Variants in EPS8 observed in about 807,000 individuals in gnomAD.
EPS8 encodes the protein epidermal growth factor receptor kinase substrate 8.
Under a neutral mutation model 103.8 loss-of-function variants are expected in EPS8, and 42 were observed. The ratio of observed to expected loss-of-function variants is 0.40; its 90% CI spans 0.32 to 0.52. The LOEUF (loss-of-function observed/expected upper bound fraction) is 0.52, where lower values mean the gene tolerates loss of function less well. EPS8 is among the 20% of genes least tolerant of loss of function. The pLI, the probability that EPS8 is intolerant of heterozygous loss-of-function variation, is 0.40. For missense variants in EPS8, 969 were observed against 1,005.1 expected (o/e 0.96, Z 0.49); for synonymous variants, 344 against 344.6 (o/e 1.00, Z 0.02).
rs1947069933 is a variant in EPS8, at chr12:15,764,161, G to A, written c.-22+25000C>T. Among the ~76,000 whole-genome samples the A allele has an allele frequency of 6.6e-6, 1 of 152,180 alleles. No homozygotes were observed. The highest frequency in any genetic ancestry group is 1.5e-5 in the Non-Finnish European group (1 of 68,038). On this transcript the variant is annotated intron_variant, in intron 1 of 20. Transcript: ENST00000281172. The surrounding 1 kb of genome is among the most constrained non-coding windows in gnomAD (Gnocchi z 4.1). ...ATCTTACATGGTAGCAGGCAAGAGA[G>A]CATATGCAGGGGAACTCCCCTTTAT... is the stretch of plus-strand genomic sequence containing the variant.
intron 3 of EPS8, among the ~76,000 whole-genome samples, chr12:15,673,485 C>T (rs556109176): frequency 6.6e-6 from 1 of 152,162 alleles, no homozygotes; most frequent in South Asian, 2.1e-4. Context: ...TAATTAGGCT[C>T]CTAAGCTAGA....
At chr12:15,699,673 C>T (rs1368121545) in intron 1 of EPS8, among the ~76,000 whole-genome samples, 1 of 152,188 alleles carries the variant, frequency 6.6e-6, no homozygotes, top group Non-Finnish European at 1.5e-5. Flanking sequence ...TTTTGGCTTA[C>T]ATAATTTTTC....
chr12:15,720,607 T>C (rs1946584459), intron 1 of EPS8, among the ~76,000 whole-genome samples: 1 of 152,226 alleles, frequency 6.6e-6, no homozygotes, highest in South Asian at 2.1e-4. Context: ...GTTCCTTAAA[T>C]CTGGTCGTGT....
intron 1 of EPS8, among the ~76,000 whole-genome samples, chr12:15,754,698 A>G (rs1404711542): frequency 6.6e-6 from 1 of 152,208 alleles, no homozygotes; most frequent in Non-Finnish European, 1.5e-5. Context: ...AGTCCACAAG[A>G]TTTCACTAAA....
At chr12:15,770,275 C>A (rs1471438429) in intron 1 of EPS8, among the ~76,000 whole-genome samples, 1 of 92,768 alleles carries the variant, frequency 1.1e-5, no homozygotes. Flanking sequence ...CATGACAGAG[C>A]GAGACCCTGT....
intron 1 of EPS8, among the ~76,000 whole-genome samples, chr12:15,709,175 A>C (rs562481925): frequency 6.6e-6 from 1 of 152,362 alleles, no homozygotes; most frequent in African/African-American, 2.4e-5. Flanking sequence ...AAACAAGACA[A>C]AACCACCTCT....
At chr12:15,730,773 T>C (rs78261718) in intron 1 of EPS8, among the ~76,000 whole-genome samples, 1,862 of 152,290 alleles carry the variant, frequency 0.012, 30 homozygotes, top group African/African-American at 0.037. Flanking sequence ...CTATACTTCC[T>C]TTCTTGTTGG....
In EPS8 at chr12:15,760,576, T is replaced by C. The variant is rs10846237; in HGVS notation, c.-22+28585A>G. On this transcript the variant is annotated intron_variant, in intron 1 of 20. Transcript: ENST00000281172. The surrounding 1 kb of genome is among the most constrained non-coding windows in gnomAD (Gnocchi z 4.5). ...ACAAATACCAGCAAACCGAATTCAA[T>C]AATACCTTTAAAAGATCATTCATCA... Among the ~76,000 whole-genome samples, 11,345 of 151,998 alleles carry C rather than the reference T, an allele frequency of 0.075. 1,389 individuals are homozygous for C. Among genetic ancestry groups the C allele is most frequent in the African/African-American group, 0.25 (10,531 of 41,452 alleles).
At chr12:15,724,048 T>A (rs1440441513) in intron 1 of EPS8, among the ~76,000 whole-genome samples, 2 of 152,214 alleles carry the variant, frequency 1.3e-5, no homozygotes, top group Non-Finnish European at 2.9e-5. Flanking sequence ...AGAAAAATTC[T>A]ATGGCTTCTT....
At chr12:15,677,963 C>T (rs1175797607) in intron 3 of EPS8, among the ~76,000 whole-genome samples, 3 of 152,128 alleles carry the variant, frequency 2.0e-5, no homozygotes, top group East Asian at 1.9e-4. Flanking sequence ...CTGTGAAACT[C>T]GGGGGCTGCA....
Position 15,716,919 on chromosome 12 carries a change from T to A in EPS8, c.-21-33947A>T, listed in dbSNP as rs1331888038. Among the ~76,000 whole-genome samples the A allele has an allele frequency of 6.6e-6, 1 of 152,224 alleles. No homozygotes were observed. Among genetic ancestry groups the A allele is most frequent in the African/African-American group, 2.4e-5 (1 of 41,462 alleles). On this transcript the variant is annotated intron_variant, in intron 1 of 20. Transcript: ENST00000281172. The surrounding 1 kb of genome is among the most constrained non-coding windows in gnomAD (Gnocchi z 5.0). The stretch of plus-strand genomic sequence containing the variant: ...TTCCTTCTTCTTATAAGATCCACTA[T>A]CTGCTTTGTCTTCTCTAAACCAATC...
intron 12 of EPS8, among the ~76,000 whole-genome samples, chr12:15,657,608 C>T (rs1397523013): frequency 1.3e-5 from 2 of 152,070 alleles, no homozygotes; most frequent in Non-Finnish European, 2.9e-5. Context: ...TTTGTAGAAC[C>T]AGTGCATAAA....
chr12:15,641,803 G>A lies in EPS8; in HGVS notation c.1596C>T (p.Pro532=). The A allele has an allele frequency of 1.3e-6, 2 of 1,595,338 alleles. No individual in the cohort carries two copies. The highest frequency in any genetic ancestry group is 1.7e-6 in the Non-Finnish European group (2 of 1,168,096). ...DRNYEPLKTQ[P]KKYAKSKYDF... ...CATACTTGGATTTGGCATATTTCTT[G>A]GGTTGTGTTTTGAGTGGTTCATAAT... The change falls in exon 16 of 21, where the codon CCC becomes CCT. Residue 532 remains proline (P), a synonymous_variant. Transcript: ENST00000281172.
intron 12 of EPS8, among the ~76,000 whole-genome samples, chr12:15,657,199 C>T (rs779040875): frequency 1.3e-5 from 2 of 152,192 alleles, no homozygotes; most frequent in Non-Finnish European, 2.9e-5. Context: ...ACATGCTTTG[C>T]ATGTTATCAC....
Position 15,713,146 on chromosome 12 carries a change from G to A in EPS8, c.-21-30174C>T, listed in dbSNP as rs895336466. The A allele has an allele frequency of 3.2e-4, 73 of 227,406 alleles. No homozygotes were observed. The highest frequency in any genetic ancestry group is 1.6e-3 in the African/African-American group (67 of 42,744). The allele number at this position is 227,406 out of a possible 1,614,324, so 14.1% of individuals were successfully genotyped here. A position where few individuals can be genotyped will look rare whatever the true frequency, so the allele number is the denominator to read the frequency against. On this transcript the variant is annotated intron_variant, in intron 1 of 20. Transcript: ENST00000281172. This position sits in a 1 kb window ranked among gnomAD's most constrained non-coding sequence, Gnocchi z 4.8. ...AGTTTTAAATGGTGAAAATAATACTGGCTAGCATTGACTGAAAGCTTACTG... is the reference window on the plus strand; with the variant it reads ...AGTTTTAAATGGTGAAAATAATACTAGCTAGCATTGACTGAAAGCTTACTG...
At chr12:15,671,418 G>A (rs1372055876) in intron 3 of EPS8, among the ~76,000 whole-genome samples, 2 of 152,052 alleles carry the variant, frequency 1.3e-5, no homozygotes, top group African/African-American at 4.8e-5. Context: ...TAGTGTTAGA[G>A]GAGATTTAAA....
intron 1 of EPS8, among the ~76,000 whole-genome samples, chr12:15,741,849 C>T (rs1257240575): frequency 6.6e-6 from 1 of 152,142 alleles, no homozygotes; most frequent in Admixed American, 6.5e-5. Flanking sequence ...TCTCCTAATG[C>T]TATCCCTCGC....
rs1474147956 is a variant in EPS8, at chr12:15,764,140, T to A, written c.-22+25021A>T. Among the ~76,000 whole-genome samples the A allele has an allele frequency of 6.6e-6, 1 of 152,258 alleles. No homozygotes were observed. The highest frequency in any genetic ancestry group is 1.9e-4 in the East Asian group (1 of 5,184). ...GTGAAGGAGGAGCAAAGTAACATCT[T>A]ACATGGTAGCAGGCAAGAGAGCATA... is the stretch of plus-strand genomic sequence containing the variant. On this transcript the variant is annotated intron_variant, in intron 1 of 20. Transcript: ENST00000281172. This position sits in a 1 kb window ranked among gnomAD's most constrained non-coding sequence, Gnocchi z 4.1.
intron 12 of EPS8, among the ~76,000 whole-genome samples, chr12:15,656,227 C>A (rs1326201983): frequency 2.2e-5 from 1 of 44,834 alleles, no homozygotes; most frequent in African/African-American, 2.9e-5. Flanking sequence ...AAGATAGCAT[C>A]AAAAATGTTA....
Sources: gnomAD v4.1 joint callset for allele counts (sites outside exome capture counted in the v4.1 genomes callset) on GRCh38, gnomAD v4.1.1 for gene constraint, Gnocchi (gnomAD v3.1) non-coding constraint, MANE v1.5 for transcripts, NCBI Gene and HGNC (gene_info 2026-07-23, HGNC 2026-07-21) for gene names.